Variants in IGFN1 observed in about 807,000 individuals in gnomAD.
IGFN1 encodes immunoglobulin-like and fibronectin type III domain-containing protein 1.
A neutral mutation model predicts 289.5 loss-of-function variants in IGFN1; 253 were observed. The ratio of observed to expected loss-of-function variants is 0.87; its 90% CI spans 0.79 to 0.97. The LOEUF is 0.97. IGFN1 is among the 50% of genes least tolerant of loss of function. The pLI is 0.00. For missense variants in IGFN1, 4,470 were observed against 4,686.1 expected, an observed-to-expected ratio of 0.95 and a Z score of 1.35; for synonymous variants, 1,706 against 1,788.5, an observed-to-expected ratio of 0.95 and a Z score of 1.16.
Position 201,206,583 on chromosome 1 carries a change from A to G in IGFN1, c.1690A>G (p.Ser564Gly). The G allele has an allele frequency of 1.3e-6, 2 of 1,549,176 alleles. No homozygotes were observed. The highest frequency in any genetic ancestry group is 1.7e-6 in the Non-Finnish European group (2 of 1,146,984). ...RKAGGWEAGS[S>G]RLQAGGLGSS... Reference sequence around the variant, plus strand: ...AGCAGGAGGCTGGGAGGCTGGGTCCAGTCGGCTTCAGGCTGGAGGACTGGG... The same window carrying G: ...AGCAGGAGGCTGGGAGGCTGGGTCCGGTCGGCTTCAGGCTGGAGGACTGGG... The change falls in exon 12 of 24, where the codon AGT becomes GGT. Residue 564 changes from serine to glycine, a missense_variant. Physicochemically the swap from Ser to Gly is moderately conservative, Grantham distance 56 (BLOSUM62 0). Transcript: ENST00000335211.
At position 201,208,560 on chromosome 1, in the gene IGFN1, C is replaced by T. The variant is rs1667549265; in HGVS notation, c.3667C>T (p.Pro1223Ser). The change falls in exon 12 of 24, where the codon CCT becomes TCT. Residue 1223 changes from proline to serine, a missense_variant. Physicochemically the swap from Pro to Ser is moderately conservative, Grantham distance 74. Around this residue, in one of 8 missense-constraint regions of IGFN1, gnomAD observed 2,011 missense variants for 1,953.4 expected, o/e 1.03. Coordinates refer to ENST00000335211, the MANE Select transcript of IGFN1 (RefSeq NM_001164586.2). ...TGAGGATGGATCAGAACTTCCAGGG[C>T]CTCAGGGAACTGGGGTCAGAACAGC... ...GYEDGSELPG[P>S]QGTGVRTAYG... The T allele has an allele frequency of 1.4e-6, 2 of 1,467,288 alleles. No individual in the cohort carries two copies. The highest frequency in any genetic ancestry group is 1.8e-6 in the Non-Finnish European group (2 of 1,117,712). The allele number at this position is 1,467,288 out of a possible 1,614,324, so 90.9% of individuals were successfully genotyped here.
chr1:201,207,811 A>G lies in IGFN1; in HGVS notation c.2918A>G (p.Tyr973Cys). 1 of 1,536,198 alleles carries G rather than the reference A, an allele frequency of 6.5e-7. No homozygotes were observed. Among genetic ancestry groups the G allele is most frequent in the South Asian group, 1.2e-5 (1 of 83,964 alleles). Residue 973 changes from tyrosine (Y) to cysteine (C), a missense_variant, in exon 12 of 24, where the codon TAT becomes TGT. This residue lies in a region of IGFN1 where 2,011 missense variants were observed against 1,953.4 expected (regional missense o/e 1.03). Transcript: ENST00000335211. ...ATAAGCTCTAAAAGCGGGGCTGGTT[A>G]TAGCTATGGCTCAGGGGTTCCAGGA... The part of the protein sequence containing the change: ...REISSKSGAG[Y>C]SYGSGVPGEM...
chr1:201,211,743 G>A lies in IGFN1; in HGVS notation c.6850G>A (p.Ala2284Thr), dbSNP rs1667818261. ...TGGAAAAATCAGTTCAGGGGATGAG[G>A]CAGGTTATAAGAATGTTTTAGGGGG... ...SSGKISSGDE[A>T]GYKNVLGGSG... Residue 2284 changes from alanine to threonine, a missense_variant, in exon 12 of 24, where the codon GCA becomes ACA. Transcript: ENST00000335211. 6.5e-7 allele frequency: 1 copy of A among 1,536,922 alleles called. No homozygotes were observed. The highest frequency in any genetic ancestry group is 8.7e-7 in the Non-Finnish European group (1 of 1,146,764).
rs12568690 is a variant in IGFN1 at position 201,207,583 on chromosome 1, G to T, written c.2690G>T (p.Gly897Val). ...TGGCTAAGTAGGGCTCCAGGCCTGG[G>T]TGCTCAGGGATCTGGGGGGACACTA... is the stretch of plus-strand genomic sequence containing the variant. The part of the protein sequence containing the change: ...SHWLSRAPGL[G>V]AQGSGGTLGD... Residue 897 changes from glycine to valine, a missense_variant, in exon 12 of 24, where the codon GGT (glycine) becomes GTT (valine). By Grantham distance (109) the Gly-to-Val change is moderately radical (BLOSUM62 -3). Around this residue, in one of 8 missense-constraint regions of IGFN1, gnomAD observed 2,011 missense variants for 1,953.4 expected, o/e 1.03. Transcript: ENST00000335211. The T allele has an allele frequency of 0.1, 160,628 of 1,536,924 alleles. 9,031 individuals carry two copies. The highest frequency in any genetic ancestry group is 0.12 in the Non-Finnish European group (133,569 of 1,146,844).
chr1:201,206,517 G>A lies in IGFN1; in HGVS notation c.1624G>A (p.Asp542Asn), dbSNP rs1667429402. Residue 542 changes from aspartate (D) to asparagine (N), a missense_variant, in exon 12 of 24, where the codon GAT becomes AAT. Transcript: ENST00000335211. ...GLGLPEKQQQ[D>N]RGRDSNSDEC... is the part of the protein sequence containing the mutation. Reference sequence around the variant, plus strand: ...GGGCCTCCCAGAAAAACAACAGCAAGATCGTGGCAGAGACAGCAACAGTGA... The same window carrying A: ...GGGCCTCCCAGAAAAACAACAGCAAAATCGTGGCAGAGACAGCAACAGTGA... 1 of 1,551,200 alleles carries A rather than the reference G, an allele frequency of 6.4e-7. No individual in the cohort carries two copies. Among genetic ancestry groups the A allele is most frequent in the African/African-American group, 1.4e-5 (1 of 73,022 alleles).
rs1046380453 is a variant in IGFN1 at position 201,212,603 on chromosome 1, G to A, written c.7710G>A (p.Gly2570=). ...MTDRGRVAGQ[G]GLASQGGGDS... is the part of the protein sequence containing the mutation. ...ACAGGGGTAGAGTTGCTGGCCAGGG[G>A]GGGTTGGCATCTCAGGGAGGTGGGG... Residue 2570 remains glycine, a synonymous_variant, in exon 12 of 24, where the codon GGG becomes GGA. Coordinates refer to ENST00000335211, the MANE Select transcript of IGFN1 (RefSeq NM_001164586.2). The A allele has an allele frequency of 7.1e-6, 11 of 1,546,912 alleles. No homozygotes were observed. Among genetic ancestry groups the A allele is most frequent in the Non-Finnish European group, 9.6e-6 (11 of 1,144,824 alleles).
chr1:201,203,414 C>T (rs926927256), intron 9 of IGFN1, among the ~76,000 whole-genome samples: 3 of 152,228 alleles, frequency 2.0e-5, no homozygotes, highest in African/African-American at 7.2e-5. Context: ...CCCTGCTATC[C>T]TCGCAGGGCT....
At position 201,199,320 on chromosome 1, in the gene IGFN1, C is replaced by T; in HGVS notation, c.368-14C>T. ...TCCACATCGACTCCTTCCTCTCCTCCCTGGATGTTGCAGTTGGCTTTCGGA... is the reference window on the plus strand; with the variant it reads ...TCCACATCGACTCCTTCCTCTCCTCTCTGGATGTTGCAGTTGGCTTTCGGA... On this transcript the variant is annotated splice_polypyrimidine_tract_variant and intron_variant, in intron 5 of 23. Transcript: ENST00000335211. The T allele has an allele frequency of 6.4e-7, 1 of 1,551,782 alleles. No individual in the cohort carries two copies. The highest frequency in any genetic ancestry group is 1.7e-4 in the Middle Eastern group (1 of 5,994).
At chr1:201,218,438 G>C in intron 17 of IGFN1, 92 bp from the exon 18 acceptor site, 4 of 1,303,418 alleles carry the variant, frequency 3.1e-6, no homozygotes, top group Non-Finnish European at 4.3e-6. Flanking sequence ...AGGACCCCAG[G>C]CTTGGTCTCC....
At position 201,211,056 on chromosome 1, in the gene IGFN1, G is replaced by A. The variant is rs1667747955; in HGVS notation, c.6163G>A (p.Gly2055Ser). The A allele has an allele frequency of 6.7e-7, 1 of 1,502,284 alleles. No homozygotes were observed. The highest frequency in any genetic ancestry group is 2.6e-5 in the East Asian group (1 of 38,302). 93.1% of individuals were successfully genotyped at this position (1,502,284 alleles called of 1,614,324 possible). A position where few individuals can be genotyped will look rare whatever the true frequency, so the allele number is the denominator to read the frequency against. The change falls in exon 12 of 24, where the codon GGT (glycine) becomes AGT (serine). Residue 2055 changes from glycine (G) to serine (S), a missense_variant. Around this residue, in one of 8 missense-constraint regions of IGFN1, gnomAD observed 20 missense variants for 29.1 expected, o/e 0.69. Transcript: ENST00000335211. ...GSGSKAGFRD[G>S]LGSSVEMGSV... ...AGGAAGTAAGGCAGGTTTTAGGGAT[G>A]GTTTAGGGAGTTCTGTAGAAATGGG...
At chr1:201,214,341 G>A in intron 13 of IGFN1, 40 bp downstream of exon 13, 1 of 1,568,628 alleles carries the variant, frequency 6.4e-7, no homozygotes, top group South Asian at 1.2e-5. Flanking sequence ...CCAGTGGGAG[G>A]GACAGAGGTA....
intron 20 of IGFN1, 65 bp downstream of exon 20, chr1:201,222,892 C>T: frequency 9.1e-7 from 1 of 1,097,644 alleles, no homozygotes; most frequent in African/African-American, 1.5e-5. Flanking sequence ...AGACTCAGCC[C>T]TGTGGCTCTC....
At chr1:201,227,314 T>G in intron 23 of IGFN1, 106 bp downstream of exon 23, 2 of 829,008 alleles carry the variant, frequency 2.4e-6, no homozygotes, top group Non-Finnish European at 3.7e-6. Context: ...CAGCCGGGAG[T>G]CAGGAGACCA....
In IGFN1 at chr1:201,215,090, C is replaced by T; in HGVS notation, c.8931C>T (p.Thr2977=). 1 of 1,614,036 alleles carries T rather than the reference C, an allele frequency of 6.2e-7. No homozygotes were observed. Among genetic ancestry groups the T allele is most frequent in the Non-Finnish European group, 8.5e-7 (1 of 1,180,020 alleles). The stretch of plus-strand genomic sequence containing the variant: ...TCTTCATCACGCATGTGCAGGGGAC[C>T]CAAGCTGGGAGGTACACCTTTGTAG... ...HSLFITHVQG[T]QAGRYTFVAG... The change falls in exon 14 of 24, where the codon ACC becomes ACT. Residue 2977 remains threonine (T), a synonymous_variant. Coordinates refer to ENST00000335211, the MANE Select transcript of IGFN1 (RefSeq NM_001164586.2).
At position 201,227,048 on chromosome 1, in the gene IGFN1, C is replaced by A; in HGVS notation, c.10953C>A (p.Asp3651Glu). The A allele has an allele frequency of 6.2e-7, 1 of 1,613,668 alleles. No individual in the cohort carries two copies. Among genetic ancestry groups the A allele is most frequent in the Middle Eastern group, 1.6e-4 (1 of 6,062 alleles). Residue 3651 changes from aspartate (D) to glutamate (E), a missense_variant, in exon 23 of 24, where the codon GAC (aspartate) becomes GAA (glutamate). Asp to Glu is a conservative substitution (Grantham distance 45, BLOSUM62 2). Coordinates refer to ENST00000335211, the MANE Select transcript of IGFN1 (RefSeq NM_001164586.2). ...PRPHVTWFKN[D>E]RSLEGNPAVY... ...CCCACGTCACCTGGTTCAAGAATGA[C>A]CGCAGCCTGGAAGGAAACCCCGCGG...
chr1:201,216,860 G>A, intron 16 of IGFN1, 107 bp downstream of exon 16: 2 of 898,430 alleles, frequency 2.2e-6, no homozygotes. Context: ...CTGTGCTCGG[G>A]GCTTCGGAGG....
chr1:201,214,993 T>C lies in IGFN1; in HGVS notation c.8854-20T>C. 6.2e-7 allele frequency: 1 copy of C among 1,610,490 alleles called. No individual in the cohort carries two copies. Among genetic ancestry groups the C allele is most frequent in the Non-Finnish European group, 8.5e-7 (1 of 1,177,778 alleles). ...GGATGGGAGTGGGGTGACCTTCTCC[T>C]GCTGTGGCCCTGTCTCCAGCTCACC... On this transcript the variant is annotated intron_variant, in intron 13 of 23. Coordinates refer to ENST00000335211, the MANE Select transcript of IGFN1 (RefSeq NM_001164586.2).
rs1005049060 is a variant in IGFN1, at chr1:201,212,393, A to G, written c.7500A>G (p.Pro2500=). 3.3e-6 allele frequency: 5 copies of G among 1,536,896 alleles called. No homozygotes were observed. The highest frequency in any genetic ancestry group is 2.7e-5 in the African/African-American group (2 of 73,032). ...AATGGCAAGACAGTTCTGGGACTCCAGGGTCTTCTAGAGACAGAGGGGCTC... is the reference window on the plus strand; with the variant it reads ...AATGGCAAGACAGTTCTGGGACTCCGGGGTCTTCTAGAGACAGAGGGGCTC... ...VKEWQDSSGT[P]GSSRDRGAPR... The change falls in exon 12 of 24, where the codon CCA becomes CCG. Residue 2500 remains proline (P), a synonymous_variant. Transcript: ENST00000335211.
chr1:201,217,904 A>G (rs1653436183), intron 17 of IGFN1, among the ~76,000 whole-genome samples: 1 of 147,866 alleles, frequency 6.8e-6, no homozygotes, highest in Non-Finnish European at 1.5e-5. Context: ...TTCCACATCC[A>G]TAAAGTGGAG....
Sources: gnomAD v4.1 joint callset for allele counts (sites outside exome capture counted in the v4.1 genomes callset) on GRCh38, gnomAD v4.1.1 for gene constraint, gnomAD v4.1.1 regional missense constraint, MANE v1.5 for transcripts, NCBI Gene and HGNC (gene_info 2026-07-23, HGNC 2026-07-21) for gene names.